Variants in MGAT4A observed in about 807,000 individuals in gnomAD.
MGAT4A encodes alpha-1,3-mannosyl-glycoprotein 4-beta-N-acetylglucosaminyltransferase A, also known as N-acetylglucosaminyltransferase IVa.
In MGAT4A, 33 loss-of-function variants were observed where a neutral mutation model predicts 74.1. The observed-to-expected ratio is 0.45, with a 90% CI of 0.34 to 0.60. The LOEUF is 0.60. Ranked by LOEUF, MGAT4A falls within the 20% of genes least tolerant of loss-of-function variation. The probability of loss-of-function intolerance (pLI) is 0.02; values close to 1 mark genes in which losing one functional copy is unlikely to be tolerated. For missense variants in MGAT4A, 479 were observed against 628.3 expected, an observed-to-expected ratio of 0.76 and a Z score of 2.54; for synonymous variants, 198 against 210.4, an observed-to-expected ratio of 0.94 and a Z score of 0.51.
chr2:98,714,668 G>A (rs1471063112), intron 2 of MGAT4A, among the ~76,000 whole-genome samples: 1 of 152,080 alleles, frequency 6.6e-6, no homozygotes, highest in Non-Finnish European at 1.5e-5. Context: ...TTGCTTCCAG[G>A]ACAGGGGTAG....
intron 1 of MGAT4A, chr2:98,730,321 C>T (rs1484496483): frequency 1.3e-5 from 2 of 152,276 alleles, no homozygotes; most frequent in African/African-American, 4.8e-5. Context: ...AAGCTCGCCT[C>T]CGAGATGTCA....
In MGAT4A at chr2:98,621,724, C is replaced by A; in HGVS notation, c.*3842G>T. ...CACTAGAATAATCTCTCCAAACGTGCTGTTTCCACATAACCAGTCTTTTCT... is the reference window on the plus strand; with the variant it reads ...CACTAGAATAATCTCTCCAAACGTGATGTTTCCACATAACCAGTCTTTTCT... On this transcript the variant is annotated 3_prime_UTR_variant, in exon 16 of 16. Transcript: ENST00000393487. The A allele has an allele frequency of 7.9e-7, 1 of 1,263,832 alleles. No homozygotes were observed. The highest frequency in any genetic ancestry group is 1.0e-6 in the Non-Finnish European group (1 of 1,002,822). The allele number at this position is 1,263,832 out of a possible 1,614,324, so 78.3% of individuals were successfully genotyped here. A position where few individuals can be genotyped will look rare whatever the true frequency, so the allele number is the denominator to read the frequency against.
intron 2 of MGAT4A, among the ~76,000 whole-genome samples, chr2:98,680,509 A>G (rs1702044588): frequency 6.6e-6 from 1 of 152,218 alleles, no homozygotes; most frequent in African/African-American, 2.4e-5. Context: ...TTAAGATTCC[A>G]TAGCAGAAAA....
intron 5 of MGAT4A, among the ~76,000 whole-genome samples, chr2:98,662,137 C>T (rs562165017): frequency 1.3e-5 from 2 of 152,240 alleles, no homozygotes; most frequent in South Asian, 4.1e-4. Context: ...CAAATAAAGT[C>T]TGTAGTTTGG....
intron 10 of MGAT4A, 79 bp from the exon 11 acceptor site, chr2:98,640,307 T>C (rs1387916293): frequency 1.7e-6 from 2 of 1,189,036 alleles, no homozygotes; most frequent in Non-Finnish European, 2.4e-6. Flanking sequence ...AGAAGTCCTT[T>C]ATTAAAATAT....
intron 2 of MGAT4A, among the ~76,000 whole-genome samples, chr2:98,722,891 G>A (rs1041241244): frequency 6.6e-6 from 1 of 152,068 alleles, no homozygotes; most frequent in Non-Finnish European, 1.5e-5. Context: ...TCTAGATTGC[G>A]CCTGACCACA....
Position 98,623,010 on chromosome 2 carries a change from C to T in MGAT4A, c.*2556G>A. ...TCCAGCCTGGGCAACAAAGCGAGAC[C>T]CTGTCTCAAAAATAATACAAAATGA... On this transcript the variant is annotated 3_prime_UTR_variant, in exon 16 of 16. Transcript: ENST00000393487. 2.0e-6 allele frequency: 2 copies of T among 984,210 alleles called. No homozygotes were observed. The highest frequency in any genetic ancestry group is 2.4e-6 in the Non-Finnish European group (2 of 829,008). The allele number at this position is 984,210 out of a possible 1,614,324, so 61.0% of individuals were successfully genotyped here. A position where few individuals can be genotyped will look rare whatever the true frequency, so the allele number is the denominator to read the frequency against.
intron 4 of MGAT4A, among the ~76,000 whole-genome samples, chr2:98,667,116 C>A (rs1311412547): frequency 2.0e-5 from 1 of 51,150 alleles, no homozygotes; most frequent in Non-Finnish European, 3.4e-5. Flanking sequence ...CTGCTGCCAT[C>A]CACATAAGAT....
At chr2:98,713,176 AT>A (rs1702541426) in intron 2 of MGAT4A, among the ~76,000 whole-genome samples, 1 of 122,848 alleles carries the variant, frequency 8.1e-6, no homozygotes, top group Non-Finnish European at 1.7e-5. Context: ...ACAGGGCAAG[AT>A]CATGTCTCAA....
At chr2:98,677,262 G>T (rs973115539) in intron 3 of MGAT4A, among the ~76,000 whole-genome samples, 3 of 152,150 alleles carry the variant, frequency 2.0e-5, no homozygotes, top group African/African-American at 4.8e-5. Flanking sequence ...TATAAATAAG[G>T]TTTAAGAGCA....
chr2:98,622,304 G>C lies in MGAT4A; in HGVS notation c.*3262C>G. 1 of 985,422 alleles carries C rather than the reference G, an allele frequency of 1.0e-6. No individual in the cohort carries two copies. The highest frequency in any genetic ancestry group is 1.2e-6 in the Non-Finnish European group (1 of 829,944). The allele number at this position is 985,422 out of a possible 1,614,324, so 61.0% of individuals were successfully genotyped here. A position where few individuals can be genotyped will look rare whatever the true frequency, so the allele number is the denominator to read the frequency against. ...GTGATGGAAAAGTTCTGCATCCGTG[G>C]TGTCAAGTGTGGTGGCCACTAGCTC... On this transcript the variant is annotated 3_prime_UTR_variant, in exon 16 of 16. Transcript: ENST00000393487.
intron 14 of MGAT4A, among the ~76,000 whole-genome samples, chr2:98,628,068 G>T (rs1300736318): frequency 1.3e-5 from 2 of 150,996 alleles, no homozygotes; most frequent in East Asian, 1.9e-4. Context: ...TTTTTTTTTA[G>T]CACCATTTGT....
intron 2 of MGAT4A, among the ~76,000 whole-genome samples, chr2:98,683,154 A>G (rs1702086927): frequency 6.6e-6 from 1 of 152,192 alleles, no homozygotes; most frequent in African/African-American, 2.4e-5. Context: ...AGGTCATCAA[A>G]GACAAAGGCT....
rs756690574 is a variant in MGAT4A at position 98,726,202 on chromosome 2, TACATTTCATGC to T, written c.94+26_94+36del. Reference sequence around the variant, plus strand: ...CACCTTAACCAAGCAAAAACCCTAGTACATTTCATGCACATTTTCCGAGTCATTTTCCTTAC... The same window carrying T: ...CACCTTAACCAAGCAAAAACCCTAGTACATTTTCCGAGTCATTTTCCTTAC... On this transcript the variant is annotated intron_variant, in intron 2 of 15. Coordinates refer to ENST00000393487, the MANE Select transcript of MGAT4A (RefSeq NM_012214.3). 3 of 1,568,124 alleles carry T rather than the reference TACATTTCATGC, an allele frequency of 1.9e-6. No individual in the cohort carries two copies. The South Asian group carries it at 3.4e-5, about 18-fold the overall frequency.
chr2:98,722,110 A>C (rs1000404946), intron 2 of MGAT4A, among the ~76,000 whole-genome samples: 1 of 152,214 alleles, frequency 6.6e-6, no homozygotes, highest in African/African-American at 2.4e-5. Context: ...GATTAAACAT[A>C]ATAGAGTTAT....
chr2:98,691,511 T>A (rs1273399914), intron 2 of MGAT4A, among the ~76,000 whole-genome samples: 1 of 152,088 alleles, frequency 6.6e-6, no homozygotes, highest in Non-Finnish European at 1.5e-5. Flanking sequence ...TGTAACAGCA[T>A]AACACAATGC....
chr2:98,675,184 C>T lies in MGAT4A; in HGVS notation c.263-9G>A, dbSNP rs768009535. The stretch of plus-strand genomic sequence containing the variant: ...CAGCTTTAGGGTATTATCTGAAACA[C>T]AGAAGTATAATTAATATACAAGAAT... On this transcript the variant is annotated splice_polypyrimidine_tract_variant and intron_variant, in intron 3 of 15. Transcript: ENST00000393487. 6.4e-7 allele frequency: 1 copy of T among 1,564,758 alleles called. No homozygotes were observed. Among genetic ancestry groups the T allele is most frequent in the South Asian group, 1.2e-5 (1 of 85,468 alleles).
chr2:98,682,530 A>G (rs1468667788), intron 2 of MGAT4A, among the ~76,000 whole-genome samples: 1 of 152,192 alleles, frequency 6.6e-6, no homozygotes, highest in African/African-American at 2.4e-5. Flanking sequence ...TGAAAGTCTA[A>G]TAAGAAACAG....
intron 2 of MGAT4A, among the ~76,000 whole-genome samples, chr2:98,706,370 T>C (rs1219340768): frequency 6.6e-6 from 1 of 151,488 alleles, no homozygotes; most frequent in African/African-American, 2.4e-5. Context: ...ATGATGTGAG[T>C]TTTATTTTTA....
Sources: allele counts gnomAD v4.1 joint callset (sites outside exome capture counted in the v4.1 genomes callset), GRCh38; gene constraint gnomAD v4.1.1; transcripts MANE v1.5; gene names NCBI Gene and HGNC (gene_info 2026-07-23, HGNC 2026-07-21).